DACH2: variants seen among roughly 807,000 people sequenced by gnomAD.
The protein encoded by DACH2 is dachshund family transcription factor 2.
DACH2 carries 17 observed loss-of-function variants against 35.8 expected under a neutral mutation model. The ratio of observed to expected loss-of-function variants is 0.48; its 90% CI spans 0.33 to 0.71. DACH2 has a LOEUF of 0.71. DACH2 is among the 30% of genes least tolerant of loss of function. The pLI is 0.02. For synonymous variants in DACH2, 195 were observed against 177.3 expected (o/e 1.10, Z -0.79); for missense variants, 469 against 472.7 (o/e 0.99, Z 0.07).
At chrX:86,290,955 G>C (rs891958887) in intron 1 of DACH2, among the ~76,000 whole-genome samples, 1 of 109,637 alleles carries the variant, frequency 9.1e-6, no homozygotes, top group African/African-American at 3.3e-5. Flanking sequence ...TTCCAATTCT[G>C]TGAAGAAAGT....
intron 3 of DACH2, among the ~76,000 whole-genome samples, chrX:86,638,657 AT>A (rs1208772488): frequency 8.9e-6 from 1 of 112,435 alleles, no homozygotes; most frequent in Non-Finnish European, 1.9e-5. Flanking sequence ...ATGTGAAAAA[AT>A]GCTTAATGTC....
At chrX:86,761,698 C>A (rs1478760562) in intron 7 of DACH2, among the ~76,000 whole-genome samples, 2 of 111,769 alleles carry the variant, frequency 1.8e-5, no homozygotes, top group East Asian at 5.6e-4. Flanking sequence ...ATATAAACAA[C>A]TATTATTTTA....
At chrX:86,280,461 C>A (rs761794697) in intron 1 of DACH2, among the ~76,000 whole-genome samples, 44 of 112,028 alleles carry the variant, frequency 3.9e-4, no homozygotes, top group African/African-American at 1.4e-3. Flanking sequence ...AAGCACTAAA[C>A]ATGGAAAGGA....
At chrX:86,216,394 T>G (rs1383387530) in intron 1 of DACH2, among the ~76,000 whole-genome samples, 1 of 105,098 alleles carries the variant, frequency 9.5e-6, no homozygotes, top group African/African-American at 3.5e-5. Flanking sequence ...GTGTGTGATG[T>G]TCCCCGCCCT....
At chrX:86,211,260 A>G (rs1271854950) in intron 1 of DACH2, among the ~76,000 whole-genome samples, 1 of 111,827 alleles carries the variant, frequency 8.9e-6, no homozygotes, top group Non-Finnish European at 1.9e-5. Context: ...GCTCACACAA[A>G]AAGTTTGCCG....
chrX:86,460,268 G>A lies in DACH2; in HGVS notation c.528-54011G>A, dbSNP rs1417969450. Among the ~76,000 whole-genome samples, 3 of 110,736 alleles carry A rather than the reference G, an allele frequency of 2.7e-5. No homozygotes were observed. In the Admixed American group the frequency reaches 2.9e-4, roughly 11 times the overall value. On this transcript the variant is annotated intron_variant, in intron 2 of 11. Transcript: ENST00000373125. ...GATTTCTACATGTTATCTCAGTATA[G>A]AATCCTCTTTTATCTATATAAGAAT...
chrX:86,705,114 A>G (rs2041200395), intron 5 of DACH2, among the ~76,000 whole-genome samples: 1 of 107,862 alleles, frequency 9.3e-6, no homozygotes. Context: ...ACTCAGCCAT[A>G]TAAAGGAACA....
At chrX:86,546,494 T>C (rs1015769591) in intron 3 of DACH2, among the ~76,000 whole-genome samples, 37 of 76,786 alleles carry the variant, frequency 4.8e-4, no homozygotes, top group Non-Finnish European at 6.0e-4. Context: ...CCTCTTCTTC[T>C]TCTTCTTTCT....
chrX:86,816,045 C>G lies in DACH2; in HGVS notation c.1696C>G (p.Pro566Ala). The change falls in exon 11 of 12, where the codon CCA becomes GCA. Residue 566 changes from proline to alanine, a missense_variant. Around this residue, in one of 3 missense-constraint regions of DACH2, gnomAD observed 363 missense variants for 334.4 expected, o/e 1.09. Coordinates refer to ENST00000373125, the MANE Select transcript of DACH2 (RefSeq NM_053281.3). ...GLRMLKDTGI[P>A]DIEIENNGTP... ...GTCATTTATTTCAGATACTGGAATT[C>G]CAGATATTGAAATAGAAAACAATGG... is the stretch of plus-strand genomic sequence containing the variant. 4.2e-6 allele frequency: 5 copies of G among 1,182,276 alleles called. No individual in the cohort carries two copies. In the South Asian group the frequency reaches 9.4e-5, roughly 22 times the overall value.
intron 1 of DACH2, among the ~76,000 whole-genome samples, chrX:86,271,888 G>C (rs1602341745): frequency 9.0e-6 from 1 of 111,067 alleles, no homozygotes; most frequent in East Asian, 2.8e-4. Flanking sequence ...TATATGCATA[G>C]ATTGTGTAGT....
intron 5 of DACH2, among the ~76,000 whole-genome samples, chrX:86,707,688 C>T (rs55782731): frequency 0.24 from 26,238 of 108,608 alleles, 3,062 homozygotes; most frequent in Middle Eastern, 0.41. Context: ...AGGCTGAGGC[C>T]GGTGGATCAC....
intron 2 of DACH2, among the ~76,000 whole-genome samples, chrX:86,468,147 T>C (rs748474778): frequency 1.8e-5 from 2 of 112,026 alleles, no homozygotes; most frequent in Admixed American, 1.9e-4. Context: ...TTGGACAATA[T>C]TTTAATCTAG....
intron 1 of DACH2, among the ~76,000 whole-genome samples, chrX:86,313,321 G>T (rs12393841): frequency 0.14 from 16,070 of 111,200 alleles, 1,107 homozygotes; most frequent in African/African-American, 0.26. Context: ...ACCTTAATAT[G>T]ACATTGCACA....
chrX:86,450,155 A>C (rs1277391782), intron 2 of DACH2, among the ~76,000 whole-genome samples: 1 of 110,867 alleles, frequency 9.0e-6, no homozygotes, highest in Non-Finnish European at 1.9e-5. Flanking sequence ...GTTTTGCTGC[A>C]CAGATCATTC....
chrX:86,530,418 C>T (rs1412735434), intron 3 of DACH2, among the ~76,000 whole-genome samples: 3 of 111,523 alleles, frequency 2.7e-5, no homozygotes, highest in African/African-American at 9.8e-5. Context: ...GAATAGATTT[C>T]TCCTTCGATG....
At chrX:86,386,756 G>A (rs1446732778) in intron 2 of DACH2, among the ~76,000 whole-genome samples, 1 of 110,779 alleles carries the variant, frequency 9.0e-6, no homozygotes, top group Admixed American at 9.7e-5. Context: ...TTACTTTCTT[G>A]CACTGGATGT....
intron 1 of DACH2, among the ~76,000 whole-genome samples, chrX:86,321,601 C>T (rs1359112719): frequency 2.7e-5 from 3 of 111,702 alleles, no homozygotes; most frequent in African/African-American, 9.8e-5. Flanking sequence ...AGCCTCTCTA[C>T]CTATTGGGAG....
chrX:86,224,334 G>A (rs1265736987), intron 1 of DACH2, among the ~76,000 whole-genome samples: 1 of 111,587 alleles, frequency 9.0e-6, no homozygotes, highest in Non-Finnish European at 1.9e-5. Flanking sequence ...TCTTGTGCCT[G>A]TGTTGGCTAG....
chrX:86,299,318 G>C lies in DACH2; in HGVS notation c.489-77506G>C, dbSNP rs1176127201. 3.6e-5 allele frequency among the ~76,000 whole-genome samples: 4 copies of C among 111,409 alleles called. No homozygotes were observed. In the Admixed American group the frequency reaches 3.9e-4, roughly 11 times the overall value. On this transcript the variant is annotated intron_variant, in intron 1 of 11. Transcript: ENST00000373125. The stretch of plus-strand genomic sequence containing the variant: ...TGTTATGACTCTTATGTTACACTGT[G>C]ATGCAGTTCTCTCTACTTTTCCATG...
Sources: allele counts gnomAD v4.1 joint callset (sites outside exome capture counted in the v4.1 genomes callset), GRCh38; gene constraint gnomAD v4.1.1; regional missense constraint gnomAD v4.1.1; transcripts MANE v1.5; gene names NCBI Gene and HGNC (gene_info 2026-07-23, HGNC 2026-07-21).